The following CDH22 variants were observed in gnomAD, a reference collection of about 807,000 sequenced individuals.
The protein encoded by CDH22 is cadherin-22.
A neutral mutation model predicts 58.4 loss-of-function variants in CDH22; 30 were observed. That is an observed-to-expected ratio of 0.51 (90% CI 0.38 to 0.70). CDH22 has a LOEUF of 0.70. Among genes scored for constraint, CDH22 ranks in the 30% least tolerant of loss-of-function variants. CDH22 has a pLI of 0.00. For synonymous variants in CDH22, 513 were observed against 558.2 expected, an observed-to-expected ratio of 0.92 and a Z score of 1.14; for missense variants, 1,014 against 1,233.9, an observed-to-expected ratio of 0.82 and a Z score of 2.67.
At chr20:46,275,758 G>C (rs1017326506) in intron 1 of CDH22, among the ~76,000 whole-genome samples, 1 of 151,584 alleles carries the variant, frequency 6.6e-6, no homozygotes, top group African/African-American at 2.4e-5. Context: ...CTCACCCTTA[G>C]ATGTCTTGCA....
intron 5 of CDH22, among the ~76,000 whole-genome samples, chr20:46,215,107 T>A (rs1330577134): frequency 6.6e-6 from 1 of 152,230 alleles, no homozygotes; most frequent in African/African-American, 2.4e-5. Context: ...ACAGTTTGGC[T>A]TTATTTGGTA....
chr20:46,266,553 C>T (rs2086460440), intron 1 of CDH22, among the ~76,000 whole-genome samples: 1 of 152,228 alleles, frequency 6.6e-6, no homozygotes, highest in South Asian at 2.1e-4. Flanking sequence ...CCTTCTCTGT[C>T]TTGGAGCTGC....
chr20:46,268,834 C>T (rs2145755483), intron 1 of CDH22, among the ~76,000 whole-genome samples: 1 of 152,312 alleles, frequency 6.6e-6, no homozygotes, highest in Middle Eastern at 3.4e-3. Flanking sequence ...CAAACTGGGG[C>T]CAGGGAGCAT....
Position 46,213,020 on chromosome 20 carries a change from T to A in CDH22, c.1007A>T (p.Gln336Leu). The change falls in exon 6 of 12, where the codon CAG becomes CTG. Residue 336 changes from glutamine to leucine, a missense_variant. Gln to Leu is a moderately radical substitution (Grantham distance 113). Around this residue, in one of 2 missense-constraint regions of CDH22, gnomAD observed 806 missense variants for 1,038.7 expected, o/e 0.78. Coordinates refer to ENST00000537909, the MANE Select transcript of CDH22 (RefSeq NM_021248.3). ...VFKVTTDSDT[Q>L]EAIIVVQKRL... ...CTTCTGCACTACGATGATGGCCTCCTGAGTGTCGCTGTCTGTGGTGACCTT... is the reference window on the plus strand; with the variant it reads ...CTTCTGCACTACGATGATGGCCTCCAGAGTGTCGCTGTCTGTGGTGACCTT... 1 of 1,614,082 alleles carries A rather than the reference T, an allele frequency of 6.2e-7. No individual in the cohort carries two copies. The highest frequency in any genetic ancestry group is 8.5e-7 in the Non-Finnish European group (1 of 1,179,908).
At chr20:46,221,740 A>G (rs2086127450) in intron 4 of CDH22, among the ~76,000 whole-genome samples, 1 of 152,082 alleles carries the variant, frequency 6.6e-6, no homozygotes, top group African/African-American at 2.4e-5. Flanking sequence ...TTGATAACAT[A>G]TTTTCCTATC....
chr20:46,218,815 T>C (rs2086103926), intron 4 of CDH22, among the ~76,000 whole-genome samples: 1 of 152,088 alleles, frequency 6.6e-6, no homozygotes, highest in South Asian at 2.1e-4. Context: ...TCCCTGCCAG[T>C]AGAAGAGACA....
rs1361367037 is a variant in CDH22 at position 46,177,940 on chromosome 20, A to C, written c.1915+6T>G. ...GGCAGGGCTGGGTGGCTCTCGATGG[A>C]CTCACCAACCAGGATGAGAACGCAG... On this transcript the variant is annotated splice_donor_region_variant and intron_variant, in intron 11 of 11. Transcript: ENST00000537909. 1.2e-6 allele frequency: 2 copies of C among 1,612,956 alleles called. No homozygotes were observed. Among genetic ancestry groups the C allele is most frequent in the African/African-American group, 2.7e-5 (2 of 74,860 alleles).
Position 46,251,104 on chromosome 20 carries a change from C to T in CDH22, c.191G>A (p.Trp64Ter). Residue 64 changes from tryptophan to a stop codon, truncating the protein, a stop_gained, in exon 2 of 12, where the codon TGG (tryptophan) becomes TAG (stop). Transcript: ENST00000537909. LOFTEE classifies it high-confidence loss of function. The surrounding 1 kb of genome is among the most constrained non-coding windows in gnomAD (Gnocchi z 6.7). ...TACCACGAAGAACTGGTTCCACACC[C>T]AGCCGCGTTTGACGCGGCCGGCTCC... ...ALGAGRVKRG[W>*]VWNQFFVVEE... is the part of the protein sequence containing the mutation. 6.2e-7 allele frequency: 1 copy of T among 1,609,092 alleles called. No homozygotes were observed. The highest frequency in any genetic ancestry group is 8.5e-7 in the Non-Finnish European group (1 of 1,177,862).
chr20:46,227,441 G>T, intron 4 of CDH22, 67 bp downstream of exon 4: 1 of 1,408,560 alleles, frequency 7.1e-7, no homozygotes, highest in Non-Finnish European at 9.7e-7. Context: ...GTCTGGGGTG[G>T]TCCTCGTCCC....
intron 1 of CDH22, among the ~76,000 whole-genome samples, chr20:46,290,848 G>T (rs1490415615): frequency 6.6e-6 from 1 of 152,182 alleles, no homozygotes; most frequent in Non-Finnish European, 1.5e-5. Flanking sequence ...GGTCTATGGG[G>T]GGTGTGTTTG....
intron 1 of CDH22, among the ~76,000 whole-genome samples, chr20:46,276,820 A>G (rs1313302397): frequency 1.2e-5 from 1 of 82,224 alleles, no homozygotes; most frequent in African/African-American, 3.9e-5. Flanking sequence ...GGAAGATGCC[A>G]GATCCACAGA....
intron 8 of CDH22, among the ~76,000 whole-genome samples, chr20:46,188,112 A>G (rs1471338696): frequency 2.0e-5 from 3 of 152,164 alleles, no homozygotes; most frequent in Non-Finnish European, 4.4e-5. Flanking sequence ...ATTCTAATAT[A>G]TTAATATTTG....
In CDH22 at chr20:46,251,429, G is replaced by A; in HGVS notation, c.-135C>T. The A allele has an allele frequency of 7.4e-6, 8 of 1,087,476 alleles. No homozygotes were observed. The highest frequency in any genetic ancestry group is 9.5e-6 in the Non-Finnish European group (8 of 837,774). 67.4% of individuals were successfully genotyped at this position (1,087,476 alleles called of 1,614,324 possible). A position where few individuals can be genotyped will look rare whatever the true frequency, so the allele number is the denominator to read the frequency against. On this transcript the variant is annotated 5_prime_UTR_variant, in exon 2 of 12. Coordinates refer to ENST00000537909, the MANE Select transcript of CDH22 (RefSeq NM_021248.3). This position sits in a 1 kb window ranked among gnomAD's most constrained non-coding sequence, Gnocchi z 6.7. ...GCCGCCGGGATGTCGCCCCCGACGG[G>A]GCACCCGGACGGGCCCGCGGCCCTG...
In CDH22 at chr20:46,210,443, C is replaced by T. The variant is rs199742280; in HGVS notation, c.1150G>A (p.Ala384Thr). Reference sequence around the variant, plus strand: ...GGGGGCTCGTCCACGTCGGTCACGGCCACGCGCACGATCGCCTGGTCGCGG... The same window carrying T: ...GGGGGCTCGTCCACGTCGGTCACGGTCACGCGCACGATCGCCTGGTCGCGG... The part of the protein sequence containing the change: ...TFRDQAIVRV[A>T]VTDVDEPPEF... Residue 384 changes from alanine to threonine, a missense_variant, in exon 7 of 12, where the codon GCC (alanine) becomes ACC (threonine). Around this residue, in one of 2 missense-constraint regions of CDH22, gnomAD observed 806 missense variants for 1,038.7 expected, o/e 0.78. Coordinates refer to ENST00000537909, the MANE Select transcript of CDH22 (RefSeq NM_021248.3). The surrounding 1 kb of genome is among the most constrained non-coding windows in gnomAD (Gnocchi z 4.5). 51 of 1,445,280 alleles carry T rather than the reference C, an allele frequency of 3.5e-5. No individual in the cohort carries two copies. In the African/African-American group the frequency reaches 6.8e-4, roughly 19 times the overall value. The allele number at this position is 1,445,280 out of a possible 1,614,324, so 89.5% of individuals were successfully genotyped here.
chr20:46,282,593 C>T lies in CDH22; in HGVS notation c.-400+25662G>A, dbSNP rs577524538. Among the ~76,000 whole-genome samples the T allele has an allele frequency of 3.3e-5, 5 of 152,316 alleles. No individual in the cohort carries two copies. In the South Asian group the frequency reaches 1.0e-3, roughly 32 times the overall value. On this transcript the variant is annotated intron_variant, in intron 1 of 11. Coordinates refer to ENST00000537909, the MANE Select transcript of CDH22 (RefSeq NM_021248.3). ...ATAAAAACACCAAATGCAATTCTTACCCCTTGACAAATGCAGTGCGAATTG... is the reference window on the plus strand; with the variant it reads ...ATAAAAACACCAAATGCAATTCTTATCCCTTGACAAATGCAGTGCGAATTG...
In CDH22 at chr20:46,199,461, G is replaced by A. The variant is rs1327192003; in HGVS notation, c.1385C>T (p.Ala462Val). 1.2e-6 allele frequency: 2 copies of A among 1,613,472 alleles called. No homozygotes were observed. Among genetic ancestry groups the A allele is most frequent in the Non-Finnish European group, 1.7e-6 (2 of 1,179,984 alleles). The change falls in exon 8 of 12, where the codon GCC (alanine) becomes GTC (valine). Residue 462 changes from alanine to valine, a missense_variant. Ala to Val is a moderately conservative substitution (Grantham distance 64). Coordinates refer to ENST00000537909, the MANE Select transcript of CDH22 (RefSeq NM_021248.3). ...CAGCACTGTGATGTTGTGCCAGCCG[G>A]CCGTCTCGCGGTCCAGCCCCTTGCC... The part of the protein sequence containing the change: ...VTGKGLDRET[A>V]GWHNITVLAM...
rs2085721324 is a variant in CDH22 at position 46,174,584 on chromosome 20, G to A, written c.2409C>T (p.Ser803=). ...SGSEQDFAYL[S]SWGPRFRPLA... ...GGGGCCGGAAGCGCGGACCCCAGCT[G>A]CTGAGATAGGCGAAGTCCTGCTCGG... The change falls in exon 12 of 12, where the codon AGC becomes AGT. Residue 803 remains serine (S), a synonymous_variant. Transcript: ENST00000537909. This position sits in a 1 kb window ranked among gnomAD's most constrained non-coding sequence, Gnocchi z 4.4. 1.3e-6 allele frequency: 2 copies of A among 1,532,990 alleles called. No homozygotes were observed. The highest frequency in any genetic ancestry group is 1.4e-5 in the African/African-American group (1 of 72,276). 95.0% of individuals were successfully genotyped at this position (1,532,990 alleles called of 1,614,324 possible).
chr20:46,206,802 A>G (rs1021462737), intron 7 of CDH22, among the ~76,000 whole-genome samples: 5 of 152,086 alleles, frequency 3.3e-5, no homozygotes, highest in Admixed American at 6.5e-5. Flanking sequence ...GTGGGCAGGG[A>G]TCCTGTTTTA....
intron 4 of CDH22, among the ~76,000 whole-genome samples, chr20:46,223,193 G>A (rs890622384): frequency 1.3e-5 from 2 of 152,164 alleles, no homozygotes; most frequent in Non-Finnish European, 2.9e-5. Context: ...CCCCAGGCCC[G>A]GTGGCCTCCC....
Sources: gnomAD v4.1 joint callset for allele counts (sites outside exome capture counted in the v4.1 genomes callset) on GRCh38, gnomAD v4.1.1 for gene constraint, gnomAD v4.1.1 regional missense constraint, Gnocchi (gnomAD v3.1) non-coding constraint, MANE v1.5 for transcripts, NCBI Gene and HGNC (gene_info 2026-07-23, HGNC 2026-07-21) for gene names.